Variants in LY86 observed in about 807,000 individuals in gnomAD.
LY86 encodes lymphocyte antigen 86.
LY86 carries 20 observed loss-of-function variants against 17.3 expected under a neutral mutation model. The observed-to-expected ratio is 1.15, with a 90% CI of 0.81 to 1.68. The LOEUF (loss-of-function observed/expected upper bound fraction) is 1.68, where lower values mean the gene tolerates loss of function less well. Ranked by LOEUF, LY86 falls within the 40% of genes most tolerant of loss-of-function variation. The pLI is 0.00. For synonymous variants in LY86, 74 were observed against 70.6 expected, an observed-to-expected ratio of 1.05 and a Z score of -0.24; for missense variants, 200 against 191.9, an observed-to-expected ratio of 1.04 and a Z score of -0.25.
chr6:6,593,319 A>G (rs1385291995), intron 1 of LY86, among the ~76,000 whole-genome samples: 2 of 152,230 alleles, frequency 1.3e-5, no homozygotes, highest in African/African-American at 2.4e-5. Context: ...GTTCTGTTTC[A>G]AAGCTCCCTC....
chr6:6,638,507 T>C (rs1193624482), intron 3 of LY86, among the ~76,000 whole-genome samples: 3 of 152,212 alleles, frequency 2.0e-5, no homozygotes, highest in African/African-American at 4.8e-5. Context: ...AAAAATTCAG[T>C]GCACCAGTCC....
intron 1 of LY86, among the ~76,000 whole-genome samples, chr6:6,606,326 G>A (rs938796054): frequency 2.0e-5 from 3 of 152,148 alleles, no homozygotes; most frequent in African/African-American, 7.2e-5. Context: ...GACACAGGGT[G>A]CTGATTGGTG....
At chr6:6,601,714 T>G (rs1760916712) in intron 1 of LY86, among the ~76,000 whole-genome samples, 1 of 144,708 alleles carries the variant, frequency 6.9e-6, no homozygotes, top group African/African-American at 2.5e-5. Context: ...AGTGAGACAC[T>G]GTCTCGAAAA....
intron 3 of LY86, among the ~76,000 whole-genome samples, chr6:6,631,757 T>C (rs1252095002): frequency 1.3e-5 from 2 of 152,204 alleles, no homozygotes; most frequent in Admixed American, 6.5e-5. Context: ...TCTGTGGCAA[T>C]TGCTCAACCC....
intron 3 of LY86, among the ~76,000 whole-genome samples, chr6:6,645,020 A>T (rs1762090193): frequency 6.6e-6 from 1 of 152,246 alleles, no homozygotes; most frequent in African/African-American, 2.4e-5. Flanking sequence ...AAAACCTCTC[A>T]GCCCAGTGAA....
chr6:6,613,377 G>T (rs933390323), intron 1 of LY86, among the ~76,000 whole-genome samples: 2 of 152,166 alleles, frequency 1.3e-5, no homozygotes, highest in South Asian at 4.1e-4. Flanking sequence ...CACAGCGGGG[G>T]AGTGGGGAGC....
intron 3 of LY86, among the ~76,000 whole-genome samples, chr6:6,635,658 TCCATCC>T (rs1181187780): frequency 6.6e-6 from 1 of 152,184 alleles, no homozygotes; most frequent in African/African-American, 2.4e-5. Context: ...CTGCAGGCTT[TCCATCC>T]CCGCACTTCA....
intron 1 of LY86, among the ~76,000 whole-genome samples, chr6:6,605,934 G>A (rs547190627): frequency 4.2e-4 from 64 of 152,300 alleles, no homozygotes; most frequent in Non-Finnish European, 8.5e-4. Flanking sequence ...GACCTTCACA[G>A]TATGGGTTAT....
intron 1 of LY86, among the ~76,000 whole-genome samples, chr6:6,595,924 C>T (rs1229846200): frequency 1.3e-5 from 2 of 152,164 alleles, no homozygotes; most frequent in African/African-American, 4.8e-5. Context: ...GACCTGGCAG[C>T]CCCCTGGAAG....
At chr6:6,628,795 A>C (rs1761848684) in intron 3 of LY86, among the ~76,000 whole-genome samples, 1 of 152,254 alleles carries the variant, frequency 6.6e-6, no homozygotes, top group Non-Finnish European at 1.5e-5. Context: ...GTAAAGACAC[A>C]ATAGATACTT....
intron 1 of LY86, among the ~76,000 whole-genome samples, chr6:6,599,519 C>A (rs534459727): frequency 2.7e-4 from 41 of 152,232 alleles, no homozygotes; most frequent in Middle Eastern, 3.4e-3. Context: ...AGCTTGATGT[C>A]CTGTGAGGCT....
At chr6:6,631,763 A>G (rs11963955) in intron 3 of LY86, among the ~76,000 whole-genome samples, 56,694 of 152,086 alleles carry the variant, frequency 0.37, 10,710 homozygotes, top group Middle Eastern at 0.44. Flanking sequence ...GCAATTGCTC[A>G]ACCCTTCCCT....
intron 1 of LY86, among the ~76,000 whole-genome samples, chr6:6,605,276 TCA>T (rs71799714): frequency 0.041 from 3,166 of 77,670 alleles, 74 homozygotes; most frequent in East Asian, 0.17. Flanking sequence ...TCACCTCACC[TCA>T]CAGTTTTTTT....
intron 3 of LY86, among the ~76,000 whole-genome samples, chr6:6,643,142 A>G (rs1048956087): frequency 1.3e-5 from 2 of 152,224 alleles, no homozygotes; most frequent in South Asian, 2.1e-4. Context: ...GCTGAATCAT[A>G]TGGAAGTTCT....
intron 1 of LY86, among the ~76,000 whole-genome samples, chr6:6,609,486 C>G (rs926582066): frequency 5.9e-5 from 9 of 152,176 alleles, no homozygotes; most frequent in African/African-American, 1.9e-4. Context: ...CTCTTATTCT[C>G]TATGCACTTC....
intron 1 of LY86, among the ~76,000 whole-genome samples, chr6:6,623,178 C>G (rs548770245): frequency 6.6e-6 from 1 of 152,052 alleles, no homozygotes; most frequent in African/African-American, 2.4e-5. Context: ...TGCTGGAGAA[C>G]CAAAAGAGCA....
intron 1 of LY86, among the ~76,000 whole-genome samples, chr6:6,616,876 C>T (rs1028233877): frequency 6.6e-6 from 1 of 152,232 alleles, no homozygotes; most frequent in Admixed American, 6.5e-5. Flanking sequence ...AAGAGACAGA[C>T]AAATGCGTAA....
chr6:6,602,839 C>T (rs2113093161), intron 1 of LY86, among the ~76,000 whole-genome samples: 1 of 152,290 alleles, frequency 6.6e-6, no homozygotes, highest in Non-Finnish European at 1.5e-5. Flanking sequence ...AGCTTACTCC[C>T]ACAGTCACAG....
intron 3 of LY86, among the ~76,000 whole-genome samples, chr6:6,647,952 C>T (rs1222668860): frequency 1.3e-5 from 2 of 150,100 alleles, no homozygotes; most frequent in African/African-American, 4.9e-5. Context: ...AGAAATAGAG[C>T]TCTTCAATCA....
Sources: allele counts gnomAD v4.1 joint callset (sites outside exome capture counted in the v4.1 genomes callset), GRCh38; gene constraint gnomAD v4.1.1; transcripts MANE v1.5; gene names NCBI Gene and HGNC (gene_info 2026-07-23, HGNC 2026-07-21).